The following VRTN variants were observed in gnomAD, a reference collection of about 807,000 sequenced individuals.
The protein encoded by VRTN is vertebrae development associated, also known as vertnin.
VRTN carries 5 observed loss-of-function variants against 18.2 expected under a neutral mutation model. The ratio of observed to expected loss-of-function variants is 0.27; its 90% CI spans 0.14 to 0.58. The LOEUF is 0.58. VRTN is among the 20% of genes least tolerant of loss of function. The probability of loss-of-function intolerance (pLI) is 0.91; values close to 1 mark genes in which losing one functional copy is unlikely to be tolerated. For synonymous variants in VRTN, 381 were observed against 393.7 expected (o/e 0.97, Z 0.38); for missense variants, 741 against 939.4 (o/e 0.79, Z 2.76).
intron 1 of VRTN, among the ~76,000 whole-genome samples, chr14:74,322,979 A>G (rs905210161): frequency 2.6e-5 from 4 of 151,696 alleles, no homozygotes; most frequent in Non-Finnish European, 5.9e-5. Context: ...ACAAAAATAC[A>G]AAAATTAGCC....
chr14:74,332,715 A>G (rs1275891927), intron 1 of VRTN, among the ~76,000 whole-genome samples: 1 of 151,666 alleles, frequency 6.6e-6, no homozygotes, highest in East Asian at 1.9e-4. Context: ...GCATTGTCCC[A>G]TCAACTCTTT....
At chr14:74,346,584 A>C (rs1285195084), upstream of VRTN, among the ~76,000 whole-genome samples, 1 of 152,050 alleles carries the variant, frequency 6.6e-6, no homozygotes, top group Non-Finnish European at 1.5e-5. Context: ...TGGCCATTTT[A>C]TTCTGTATTA....
chr14:74,331,303 G>C (rs1045425287), intron 1 of VRTN, among the ~76,000 whole-genome samples: 11 of 151,630 alleles, frequency 7.3e-5, no homozygotes, highest in Non-Finnish European at 1.5e-4. Context: ...AGAGGCAGAT[G>C]GATCACCTGA....
intron 1 of VRTN, among the ~76,000 whole-genome samples, chr14:74,318,134 A>T (rs2085429410): frequency 6.6e-6 from 1 of 152,222 alleles, no homozygotes; most frequent in Admixed American, 6.5e-5. Flanking sequence ...TAAAATTTAA[A>T]AAAAGACAAT....
intron 1 of VRTN, among the ~76,000 whole-genome samples, chr14:74,332,335 GTTTTTTTTTTTTTTTTTTTT>G (rs67857502): frequency 0.031 from 1,234 of 39,578 alleles, 46 homozygotes; most frequent in African/African-American, 0.093. Context: ...CTCCTAATCT[GTTTTTTTTTTTTTTTTTTTT>G]TTTTTTTTTT....
chr14:74,358,162 G>C lies in VRTN; in HGVS notation c.1379G>C (p.Gly460Ala). The C allele has an allele frequency of 6.2e-7, 1 of 1,614,042 alleles. No homozygotes were observed. The highest frequency in any genetic ancestry group is 1.1e-5 in the South Asian group (1 of 91,088). The change falls in exon 2 of 2, where the codon GGG becomes GCG. Residue 460 changes from glycine (G) to alanine (A), a missense_variant. Coordinates refer to ENST00000256362, the MANE Select transcript of VRTN (RefSeq NM_018228.3). The surrounding 1 kb of genome is among the most constrained non-coding windows in gnomAD (Gnocchi z 5.4). ...CCGGCACCAGCCCTCTCTGCTGCTG[G>C]GACTCCCCAGCTAGCATCTGTTGGG... ...FKPAPALSAA[G>A]TPQLASVGEG...
chr14:74,349,529 A>C (rs548196720), intron 1 of VRTN, among the ~76,000 whole-genome samples: 5 of 152,288 alleles, frequency 3.3e-5, no homozygotes, highest in African/African-American at 1.2e-4. Flanking sequence ...GAGGAAGAAA[A>C]GGGAGGGCTG....
intron 1 of VRTN, among the ~76,000 whole-genome samples, chr14:74,311,759 C>G (rs2085390348): frequency 6.7e-6 from 1 of 148,392 alleles, no homozygotes; most frequent in South Asian, 2.2e-4. Flanking sequence ...TGTTCCATAT[C>G]AGCATATACA....
At chr14:74,303,113 C>A in exon 1 of VRTN, 1 of 468,032 alleles carries the variant, frequency 2.1e-6, no homozygotes, top group Non-Finnish European at 3.8e-6. Context: ...GGCTACAGCG[C>A]CCCCATATTT....
intron 1 of VRTN, among the ~76,000 whole-genome samples, chr14:74,315,487 C>A (rs1007338895): frequency 2.6e-5 from 4 of 152,092 alleles, no homozygotes; most frequent in Admixed American, 2.0e-4. Flanking sequence ...CTGCTTGAGG[C>A]CAAGAGTTTG....
chr14:74,337,076 G>A (rs1362358711), intron 1 of VRTN, among the ~76,000 whole-genome samples: 1 of 152,278 alleles, frequency 6.6e-6, no homozygotes, highest in East Asian at 1.9e-4. Flanking sequence ...CAGGTGCAGT[G>A]GGTCACGCCT....
chr14:74,316,210 G>A (rs988117299), intron 1 of VRTN, among the ~76,000 whole-genome samples: 9 of 152,026 alleles, frequency 5.9e-5, no homozygotes, highest in African/African-American at 9.7e-5. Context: ...AGGACTCTCC[G>A]AGGAGGTTTT....
intron 1 of VRTN, among the ~76,000 whole-genome samples, chr14:74,327,369 T>C (rs747166601): frequency 6.6e-6 from 1 of 152,142 alleles, no homozygotes; most frequent in Non-Finnish European, 1.5e-5. Context: ...CAAACTCTCT[T>C]GCACAGTTCC....
intron 1 of VRTN, among the ~76,000 whole-genome samples, chr14:74,324,064 C>T (rs1292977259): frequency 1.3e-5 from 2 of 151,900 alleles, no homozygotes; most frequent in Non-Finnish European, 2.9e-5. Flanking sequence ...GCTTAACTGC[C>T]GTGAATGGCA....
rs565015303 is a variant in VRTN at position 74,327,437 on chromosome 14, A to T, written c.-163-10286A>T. On this transcript the variant is annotated intron_variant, in intron 1 of 2. Transcript: ENST00000557177. ...TCTCCCAAATCACAGGAGCCATCCT[A>T]TGATCCTGCCCTTTCCTGATCCGCA... 3.3e-5 allele frequency among the ~76,000 whole-genome samples: 5 copies of T among 152,324 alleles called. No individual in the cohort carries two copies. In the South Asian group the frequency reaches 1.0e-3, roughly 32 times the overall value.
chr14:74,338,779 C>T (rs1333649221), intron 2 of VRTN, among the ~76,000 whole-genome samples: 2 of 152,008 alleles, frequency 1.3e-5, no homozygotes, highest in African/African-American at 4.8e-5. Context: ...GGCTGGAGTG[C>T]AGTGGCAAGA....
chr14:74,338,056 C>T (rs1321441717), intron 2 of VRTN, among the ~76,000 whole-genome samples: 1 of 151,996 alleles, frequency 6.6e-6, no homozygotes, highest in African/African-American at 2.4e-5. Context: ...TCACATTGTG[C>T]CATATATATT....
At chr14:74,346,402 T>A (rs2085644860), upstream of VRTN, among the ~76,000 whole-genome samples, 1 of 152,062 alleles carries the variant, frequency 6.6e-6, no homozygotes, top group African/African-American at 2.4e-5. Context: ...CTTGCTTACC[T>A]ACTCTTTTTT....
At chr14:74,354,386 CCCTGTT>C (rs1567045984) in intron 1 of VRTN, among the ~76,000 whole-genome samples, 379 of 151,442 alleles carry the variant, frequency 2.5e-3, no homozygotes, top group African/African-American at 8.6e-3. Context: ...ACTTTTTGTA[CCCTGTT>C]ATATTAAAAT....
Sources: allele counts gnomAD v4.1 joint callset (sites outside exome capture counted in the v4.1 genomes callset), GRCh38; gene constraint gnomAD v4.1.1; non-coding constraint Gnocchi (gnomAD v3.1); transcripts MANE v1.5; gene names NCBI Gene and HGNC (gene_info 2026-07-23, HGNC 2026-07-21).